The following BDH2 variants were observed in gnomAD, a reference collection of about 807,000 sequenced individuals.
The protein encoded by BDH2 is dehydrogenase/reductase SDR family member 6.
In BDH2, 24 loss-of-function variants were observed where a neutral mutation model predicts 33.2. That is an observed-to-expected ratio of 0.72 (90% CI 0.52 to 1.02). BDH2 has a LOEUF of 1.02. Ranked by LOEUF, BDH2 falls within the 50% of genes least tolerant of loss-of-function variation. The pLI is 0.00. For synonymous variants in BDH2, 81 were observed against 101.6 expected (o/e 0.80, Z 1.22); for missense variants, 249 against 301.6 (o/e 0.83, Z 1.29).
intron 4 of BDH2, 90 bp downstream of exon 4, chr4:103,092,510 G>T: frequency 1.2e-6 from 1 of 838,652 alleles, no homozygotes; most frequent in South Asian, 1.5e-5. Context: ...GGTTCACAAT[G>T]AATGATTTTG....
chr4:103,086,670 A>G (rs894071640), intron 5 of BDH2, 130 bp from the exon 6 acceptor site: 14 of 1,149,346 alleles, frequency 1.2e-5, no homozygotes, highest in Admixed American at 1.1e-4. Context: ...TAGTCACATT[A>G]AGCACTATTA....
At position 103,083,649 on chromosome 4, in the gene BDH2, C is replaced by G. The variant is rs145144408; in HGVS notation, c.533-720G>C. ...AGACTTTTTTGTTAACGGACATAAA[C>G]TGTTCATTCTCTTTAGAGGGCCCTT... On this transcript the variant is annotated intron_variant, in intron 7 of 9. Transcript: ENST00000296424. 2.0e-3 allele frequency among the ~76,000 whole-genome samples: 293 copies of G among 148,808 alleles called. 6 individuals carry two copies. The East Asian group carries it at 0.031, about 16-fold the overall frequency.
intron 3 of BDH2, among the ~76,000 whole-genome samples, chr4:103,094,863 A>G (rs1181063967): frequency 2.0e-5 from 3 of 152,198 alleles, no homozygotes; most frequent in Non-Finnish European, 4.4e-5. Flanking sequence ...GGACAGGGCT[A>G]TCCTAGAGGA....
chr4:103,081,303 A>G (rs1384916349), intron 9 of BDH2, among the ~76,000 whole-genome samples: 1 of 152,160 alleles, frequency 6.6e-6, no homozygotes, highest in Non-Finnish European at 1.5e-5. Context: ...TTTTAAAAAT[A>G]TTTATTTATT....
intron 1 of BDH2, among the ~76,000 whole-genome samples, chr4:103,096,571 A>C (rs1578511912): frequency 8.1e-6 from 1 of 123,926 alleles, no homozygotes; most frequent in Non-Finnish European, 1.6e-5. Flanking sequence ...ATGGAGTTTC[A>C]CTCTTGTCAC....
At chr4:103,083,083 T>TA (rs1396860401) in intron 7 of BDH2, among the ~76,000 whole-genome samples, 154 bp from the exon 8 acceptor site, 1 of 152,236 alleles carries the variant, frequency 6.6e-6, no homozygotes. Flanking sequence ...TCTTATTTAA[T>TA]AGGCTTATAA....
At chr4:103,086,109 G>A in intron 6 of BDH2, 1 of 1,096,260 alleles carries the variant, frequency 9.1e-7, no homozygotes, top group African/African-American at 1.7e-5. Context: ...GATGATGTTT[G>A]CTGCCTTGCT....
intron 5 of BDH2, among the ~76,000 whole-genome samples, chr4:103,087,173 G>C (rs1238305630): frequency 6.6e-6 from 1 of 152,184 alleles, no homozygotes; most frequent in Non-Finnish European, 1.5e-5. Context: ...TTTGAGGAGT[G>C]GGTACACAGG....
intron 6 of BDH2, 120 bp from the exon 7 acceptor site, chr4:103,085,582 T>C (rs1288725904): frequency 7.0e-7 from 1 of 1,432,734 alleles, no homozygotes; most frequent in Non-Finnish European, 9.5e-7. Flanking sequence ...ATTCCTCCCC[T>C]TTTAAAAAGA....
intron 9 of BDH2, among the ~76,000 whole-genome samples, chr4:103,080,539 T>C (rs2110692732): frequency 6.6e-6 from 1 of 152,312 alleles, no homozygotes; most frequent in Middle Eastern, 3.4e-3. Flanking sequence ...TCATAATGAA[T>C]AGAGAAATTT....
rs1578507343 is a variant in BDH2, at chr4:103,091,574, C to T, written c.249-289G>A. ...CTGGAAACATCAATGCCATTAAAAACAAACAACAAATAAAGGCGAACAGGG... is the reference window on the plus strand; with the variant it reads ...CTGGAAACATCAATGCCATTAAAAATAAACAACAAATAAAGGCGAACAGGG... On this transcript the variant is annotated intron_variant, in intron 4 of 9. Coordinates refer to ENST00000296424, the MANE Select transcript of BDH2 (RefSeq NM_020139.4). The T allele has an allele frequency of 1.3e-5, 5 of 386,440 alleles. No homozygotes were observed. In the East Asian group the frequency reaches 3.4e-4, roughly 26 times the overall value. 23.9% of individuals were successfully genotyped at this position (386,440 alleles called of 1,614,324 possible).
At chr4:103,096,307 T>C in intron 1 of BDH2, 33 bp from the exon 2 acceptor site, 1 of 1,382,234 alleles carries the variant, frequency 7.2e-7, no homozygotes, top group South Asian at 1.2e-5. Context: ...GGTTATACTG[T>C]AGAACATGAT....
intron 6 of BDH2, chr4:103,085,868 A>G: frequency 1.9e-5 from 23 of 1,222,624 alleles, no homozygotes; most frequent in Non-Finnish European, 2.4e-5. Context: ...CAAAGAGAAG[A>G]AATGGTATCT....
At chr4:103,099,582 A>C (rs542328529) in intron 1 of BDH2, among the ~76,000 whole-genome samples, 1 of 152,322 alleles carries the variant, frequency 6.6e-6, no homozygotes, top group Non-Finnish European at 1.5e-5. Context: ...AGGATACCGT[A>C]AGAATCCTTT....
At chr4:103,096,691 C>T (rs1239775370) in intron 1 of BDH2, among the ~76,000 whole-genome samples, 2 of 152,014 alleles carry the variant, frequency 1.3e-5, no homozygotes, top group Non-Finnish European at 2.9e-5. Context: ...CAGGTGCCTG[C>T]CACCACGCCC....
At chr4:103,084,702 A>G (rs1369032476) in intron 7 of BDH2, among the ~76,000 whole-genome samples, 1 of 152,228 alleles carries the variant, frequency 6.6e-6, no homozygotes, top group African/African-American at 2.4e-5. Context: ...AAAATAAAAC[A>G]GAACATCTCA....
At chr4:103,089,749 T>C (rs1450875232) in intron 5 of BDH2, among the ~76,000 whole-genome samples, 1 of 152,158 alleles carries the variant, frequency 6.6e-6, no homozygotes, top group African/African-American at 2.4e-5. Flanking sequence ...CCCTGTAACC[T>C]ATGCAAAGGA....
Position 103,091,239 on chromosome 4 carries a change from C to T in BDH2, c.295G>A (p.Asp99Asn), listed in dbSNP as rs1484369679. The change falls in exon 5 of 10, where the codon GAC (aspartate) becomes AAC (asparagine). Residue 99 changes from aspartate to asparagine, a missense_variant. Transcript: ENST00000296424. Reference protein sequence around the residue: ...TVLDCEEKDWDFSMNLNVRSM... With the variant: ...TVLDCEEKDWNFSMNLNVRSM... ...CGCACATTGAGATTCATCGAGAAGT[C>T]CCAGTCTTTCTCCTCACAATCCAGG... The T allele has an allele frequency of 6.2e-7, 1 of 1,613,464 alleles. No individual in the cohort carries two copies. Among genetic ancestry groups the T allele is most frequent in the Non-Finnish European group, 8.5e-7 (1 of 1,179,730 alleles).
At chr4:103,095,309 C>A (rs755392752) in intron 2 of BDH2, 28 bp from the exon 3 acceptor site, 6 of 1,548,944 alleles carry the variant, frequency 3.9e-6, no homozygotes, top group Non-Finnish European at 5.3e-6. Flanking sequence ...CAAATAAATC[C>A]TTTGTTTACT....
Sources: gnomAD v4.1 joint callset for allele counts (sites outside exome capture counted in the v4.1 genomes callset) on GRCh38, gnomAD v4.1.1 for gene constraint, MANE v1.5 for transcripts, NCBI Gene and HGNC (gene_info 2026-07-23, HGNC 2026-07-21) for gene names.